Variants in TSNAX observed in about 807,000 individuals in gnomAD.
TSNAX encodes the protein translin associated factor X, also known as translin-associated protein X.
A neutral mutation model predicts 33.0 loss-of-function variants in TSNAX; 12 were observed. The observed-to-expected ratio is 0.36, with a 90% CI of 0.23 to 0.59. The LOEUF is 0.59. TSNAX is among the 20% of genes least tolerant of loss of function. TSNAX has a pLI of 0.74. For missense variants in TSNAX, 267 were observed against 341.3 expected (o/e 0.78, Z 1.72); for synonymous variants, 110 against 117.2 (o/e 0.94, Z 0.40).
chr1:231,533,259 C>T (rs927550575), intron 2 of TSNAX, among the ~76,000 whole-genome samples: 3 of 152,028 alleles, frequency 2.0e-5, no homozygotes, highest in Admixed American at 6.6e-5. Context: ...CCACCATGCC[C>T]GGCTAATTTT....
At chr1:231,554,766 A>G (rs1259705868) in intron 4 of TSNAX, 3 of 152,232 alleles carry the variant, frequency 2.0e-5, no homozygotes, top group Non-Finnish European at 4.4e-5. Flanking sequence ...AAAAATGTTG[A>G]GAAAAATGGG....
chr1:231,561,027 T>G lies in TSNAX; in HGVS notation c.368-101T>G, dbSNP rs529521003. 3.1e-5 allele frequency: 35 copies of G among 1,143,220 alleles called. 1 individual carries two copies. The South Asian group carries it at 4.9e-4, about 16-fold the overall frequency. 70.8% of individuals were successfully genotyped at this position (1,143,220 alleles called of 1,614,324 possible). ...GCATTGTAGTAGGCATCCATTAAGCTTTTTTTTGAACTAGATGATGATCAA... is the reference window on the plus strand; with the variant it reads ...GCATTGTAGTAGGCATCCATTAAGCGTTTTTTTGAACTAGATGATGATCAA... On this transcript the variant is annotated intron_variant, in intron 4 of 5. Coordinates refer to ENST00000366639, the MANE Select transcript of TSNAX (RefSeq NM_005999.3).
chr1:231,544,706 C>T (rs1659794498), intron 4 of TSNAX, among the ~76,000 whole-genome samples: 1 of 152,050 alleles, frequency 6.6e-6, no homozygotes, highest in Non-Finnish European at 1.5e-5. Context: ...AGGGCCAAGG[C>T]CATATAGATA....
At chr1:231,531,696 T>A (rs115867269) in intron 2 of TSNAX, among the ~76,000 whole-genome samples, 2,003 of 152,242 alleles carry the variant, frequency 0.013, 51 homozygotes, top group African/African-American at 0.046. Flanking sequence ...TAGTTTAAGT[T>A]CTTGTTTTTT....
intron 4 of TSNAX, among the ~76,000 whole-genome samples, chr1:231,551,122 T>G (rs1053478324): frequency 6.6e-5 from 10 of 152,244 alleles, no homozygotes; most frequent in Non-Finnish European, 1.5e-4. Context: ...TGTTAAAATA[T>G]CTTGAATATG....
At chr1:231,532,185 C>CACACACACACACACACACACAG (rs1356252515) in intron 2 of TSNAX, among the ~76,000 whole-genome samples, 4 of 116,140 alleles carry the variant, frequency 3.4e-5, no homozygotes, top group East Asian at 2.1e-4. Context: ...CACACACACA[C>CACACACACACACACACACACAG]AGTTTTGGTT....
chr1:231,533,652 A>G (rs1248394691), intron 2 of TSNAX, among the ~76,000 whole-genome samples: 1 of 152,242 alleles, frequency 6.6e-6, no homozygotes. Context: ...AGAAGACTTA[A>G]TGCAGTTGGA....
rs530692148 is a variant in TSNAX at position 231,565,804 on chromosome 1, C to T, written c.*899C>T. 3 of 152,006 alleles carry T rather than the reference C, an allele frequency of 2.0e-5. No homozygotes were observed. The highest frequency in any genetic ancestry group is 4.4e-5 in the Non-Finnish European group (3 of 67,982). The allele number at this position is 152,006 out of a possible 1,614,324, so 9.4% of individuals were successfully genotyped here. On this transcript the variant is annotated 3_prime_UTR_variant, in exon 6 of 6. Transcript: ENST00000366639. ...AATTCGCATTCTGGCTGATTTTAAG[C>T]CATTTAAAATTTATATAAAACAACC... is the stretch of plus-strand genomic sequence containing the variant.
intron 4 of TSNAX, among the ~76,000 whole-genome samples, chr1:231,543,287 A>G (rs1659697585): frequency 6.6e-6 from 1 of 151,382 alleles, no homozygotes; most frequent in Non-Finnish European, 1.5e-5. Flanking sequence ...TTCTTTTTCT[A>G]ATGTGGGTTC....
intron 4 of TSNAX, among the ~76,000 whole-genome samples, chr1:231,552,374 T>G (rs997054782): frequency 6.6e-6 from 1 of 152,228 alleles, no homozygotes; most frequent in African/African-American, 2.4e-5. Flanking sequence ...GTTGGTAGTA[T>G]AAGCACACAT....
At chr1:231,530,278 C>G (rs892102950) in intron 2 of TSNAX, among the ~76,000 whole-genome samples, 3 of 152,256 alleles carry the variant, frequency 2.0e-5, no homozygotes, top group African/African-American at 7.2e-5. Flanking sequence ...TATGTCCCAC[C>G]CTTTGGAGGG....
intron 4 of TSNAX, among the ~76,000 whole-genome samples, chr1:231,550,914 G>T (rs557194732): frequency 4.1e-4 from 63 of 152,192 alleles, no homozygotes; most frequent in African/African-American, 1.4e-3. Flanking sequence ...GCTCAGACAA[G>T]GGAAGTCAAA....
chr1:231,544,175 G>C (rs1659754468), intron 4 of TSNAX, among the ~76,000 whole-genome samples: 1 of 152,152 alleles, frequency 6.6e-6, no homozygotes, highest in Admixed American at 6.5e-5. Context: ...GACCAAGTTA[G>C]GTCTCTTAGT....
At chr1:231,540,045 C>T (rs562274777) in intron 3 of TSNAX, among the ~76,000 whole-genome samples, 1 of 151,840 alleles carries the variant, frequency 6.6e-6, no homozygotes, top group South Asian at 2.1e-4. Flanking sequence ...ATTAGCCGGG[C>T]TTGGTGGCAT....
At chr1:231,554,312 T>C (rs1254787021) in intron 4 of TSNAX, among the ~76,000 whole-genome samples, 2 of 152,146 alleles carry the variant, frequency 1.3e-5, no homozygotes, top group Non-Finnish European at 2.9e-5. Context: ...AAAATATTTT[T>C]TTTGTTGAGG....
At position 231,542,539 on chromosome 1, in the gene TSNAX, C is replaced by T; in HGVS notation, c.295C>T (p.Gln99Ter). 6.2e-7 allele frequency: 1 copy of T among 1,613,942 alleles called. No individual in the cohort carries two copies. Among genetic ancestry groups the T allele is most frequent in the Non-Finnish European group, 8.5e-7 (1 of 1,179,952 alleles). ...AGAAATTAAATTGGATGGTGTCAGA[C>T]AAAAGATATTCCAGGTAGCCCAAGA... Reference protein sequence around the residue: ...ESEIKLDGVRQKIFQVAQELS... With the variant: ...ESEIKLDGVR The change falls in exon 4 of 6, where the codon CAA becomes TAA. Residue 99 changes from glutamine (Q) to a stop codon, truncating the protein, a stop_gained. Coordinates refer to ENST00000366639, the MANE Select transcript of TSNAX (RefSeq NM_005999.3). LOFTEE classifies it high-confidence loss of function.
intron 4 of TSNAX, chr1:231,542,838 A>G: frequency 7.5e-6 from 3 of 397,626 alleles, no homozygotes. Context: ...GTATTTGAGA[A>G]CACAGATTTA....
chr1:231,540,798 C>T (rs1351440843), intron 3 of TSNAX, among the ~76,000 whole-genome samples: 1 of 152,118 alleles, frequency 6.6e-6, no homozygotes, highest in Non-Finnish European at 1.5e-5. Context: ...CTTCAAGTAT[C>T]TTGAAGCTCT....
chr1:231,562,950 C>T (rs1482802462), intron 5 of TSNAX, among the ~76,000 whole-genome samples: 1 of 152,102 alleles, frequency 6.6e-6, no homozygotes, highest in Non-Finnish European at 1.5e-5. Context: ...GTCATATTAC[C>T]TGTGATGTTT....
Sources: allele counts gnomAD v4.1 joint callset (sites outside exome capture counted in the v4.1 genomes callset), GRCh38; gene constraint gnomAD v4.1.1; transcripts MANE v1.5; gene names NCBI Gene and HGNC (gene_info 2026-07-23, HGNC 2026-07-21).